The following MPP3 variants were observed in gnomAD, a reference collection of about 807,000 sequenced individuals.
The protein encoded by MPP3 is MAGUK p55 subfamily member 3.
Under a neutral mutation model 80.7 loss-of-function variants are expected in MPP3, and 48 were observed. That is an observed-to-expected ratio of 0.59 (90% CI 0.47 to 0.76). The LOEUF (loss-of-function observed/expected upper bound fraction) is 0.76. Among genes scored for constraint, MPP3 ranks in the 30% least tolerant of loss-of-function variants. The probability of loss-of-function intolerance (pLI) is 0.00; values close to 1 mark genes in which losing one functional copy is unlikely to be tolerated. For synonymous variants in MPP3, 311 were observed against 297.6 expected, an observed-to-expected ratio of 1.04 and a Z score of -0.46; for missense variants, 620 against 763.0, an observed-to-expected ratio of 0.81 and a Z score of 2.21.
At chr17:43,809,402 C>G (rs979851842) in intron 18 of MPP3, among the ~76,000 whole-genome samples, 1 of 152,216 alleles carries the variant, frequency 6.6e-6, no homozygotes, top group Non-Finnish European at 1.5e-5. Flanking sequence ...CTCCTCTCCA[C>G]CTTCCATTTC....
At chr17:43,810,546 C>T (rs960224593) in intron 18 of MPP3, among the ~76,000 whole-genome samples, 6 of 152,150 alleles carry the variant, frequency 3.9e-5, no homozygotes, top group Non-Finnish European at 7.3e-5. Flanking sequence ...ATCTGTTCCA[C>T]GCAGGAGTTA....
Position 43,801,799 on chromosome 17 carries a change from C to A in MPP3, c.1660G>T (p.Val554Leu). 1 of 1,614,172 alleles carries A rather than the reference C, an allele frequency of 6.2e-7. No homozygotes were observed. The highest frequency in any genetic ancestry group is 8.5e-7 in the Non-Finnish European group (1 of 1,180,034). Reference sequence around the variant, plus strand: ...TAGGCACCCTGGAGATCCTCCTTCACCAGCACGGCGTCTACCAGGTGCCCG... The same window carrying A: ...TAGGCACCCTGGAGATCCTCCTTCAACAGCACGGCGTCTACCAGGTGCCCG... ...HYGHLVDAVL[V>L]KEDLQGAYSQ... is the part of the protein sequence containing the mutation. Residue 554 changes from valine to leucine, a missense_variant, in exon 20 of 20, where the codon GTG becomes TTG. Transcript: ENST00000398389.
At position 43,818,072 on chromosome 17, in the gene MPP3, C is replaced by T; in HGVS notation, c.920G>A (p.Ser307Asn). Residue 307 changes from serine to asparagine, a missense_variant, in exon 12 of 20, where the codon AGC becomes AAC. By Grantham distance (46) the Ser-to-Asn change is conservative (BLOSUM62 1). Coordinates refer to ENST00000398389, the MANE Select transcript of MPP3 (RefSeq NM_001932.6). The part of the protein sequence containing the change: ...SYRRAAGTLP[S>N]PQSLRKPPYD... ...GGGGGGCTTCCTGAGGCTCTGGGGG[C>T]TCGGCAGGGTGCCCGCGGCTCTCCG... The T allele has an allele frequency of 2.5e-6, 4 of 1,577,638 alleles. No individual in the cohort carries two copies. Among genetic ancestry groups the T allele is most frequent in the Non-Finnish European group, 3.4e-6 (4 of 1,161,116 alleles).
At chr17:43,810,465 T>G (rs1449144359) in intron 18 of MPP3, among the ~76,000 whole-genome samples, 1 of 151,896 alleles carries the variant, frequency 6.6e-6, no homozygotes, top group Non-Finnish European at 1.5e-5. Flanking sequence ...CAGCCCCAGT[T>G]TCACCTGGGT....
intron 7 of MPP3, 90 bp from the exon 8 acceptor site, chr17:43,827,922 C>T: frequency 2.5e-6 from 3 of 1,221,670 alleles, no homozygotes; most frequent in Non-Finnish European, 1.2e-6. Context: ...CTCCCCAGTC[C>T]CTCCCTCTGA....
At chr17:43,825,995 C>G (rs557911951) in intron 8 of MPP3, among the ~76,000 whole-genome samples, 154 bp from the exon 9 acceptor site, 17 of 152,344 alleles carry the variant, frequency 1.1e-4, no homozygotes, top group South Asian at 4.1e-4. Flanking sequence ...GAACTAAGCC[C>G]TGCTAAGTGC....
intron 10 of MPP3, 70 bp from the exon 11 acceptor site, chr17:43,821,128 A>C: frequency 4.7e-6 from 7 of 1,478,290 alleles, no homozygotes; most frequent in Non-Finnish European, 6.5e-6. Context: ...GTCACATCAA[A>C]GGCCACATGA....
chr17:43,831,587 C>T lies in MPP3; in HGVS notation c.116G>A (p.Ser39Asn), dbSNP rs569679571. The T allele has an allele frequency of 3.1e-6, 5 of 1,613,412 alleles. No homozygotes were observed. The Admixed American group carries it at 8.3e-5, about 27-fold the overall frequency. ...EEMGFLRDVF[S>N]EKSLSYLMKI... ...CATTAAGTAACTGAGGCTTTTTTCA[C>T]TGAAAACATCCCTCAGGAAGCCCAT... Residue 39 changes from serine (S) to asparagine (N), a missense_variant, in exon 4 of 20, where the codon AGT becomes AAT. By Grantham distance (46) the Ser-to-Asn change is conservative. Transcript: ENST00000398389.
At chr17:43,824,642 C>G (rs1167151569) in intron 9 of MPP3, among the ~76,000 whole-genome samples, 1 of 152,166 alleles carries the variant, frequency 6.6e-6, no homozygotes, top group East Asian at 1.9e-4. Flanking sequence ...CTCCACTACC[C>G]AGAAAGCCCA....
intron 8 of MPP3, among the ~76,000 whole-genome samples, chr17:43,826,122 A>G (rs1023962636): frequency 1.3e-5 from 2 of 152,272 alleles, no homozygotes; most frequent in Non-Finnish European, 2.9e-5. Flanking sequence ...TTGCTGAGAA[A>G]TAATGAAGCC....
intron 19 of MPP3, among the ~76,000 whole-genome samples, chr17:43,803,029 C>T (rs1271348864): frequency 6.6e-6 from 1 of 152,116 alleles, no homozygotes; most frequent in Non-Finnish European, 1.5e-5. Flanking sequence ...CTTTTCTCCT[C>T]CAGGAGGGAA....
intron 19 of MPP3, among the ~76,000 whole-genome samples, chr17:43,807,661 A>G (rs1438221730): frequency 6.6e-6 from 1 of 152,100 alleles, no homozygotes; most frequent in Non-Finnish European, 1.5e-5. Context: ...TGCCATTCTA[A>G]ATAATTTACT....
intron 14 of MPP3, 122 bp downstream of exon 14, chr17:43,815,916 C>T: frequency 1.1e-6 from 1 of 907,916 alleles, no homozygotes; most frequent in South Asian, 1.8e-5. Context: ...ATGGGGGTCC[C>T]ATAGGCTCCA....
chr17:43,830,406 C>A (rs1310458909), intron 5 of MPP3, among the ~76,000 whole-genome samples: 1 of 152,208 alleles, frequency 6.6e-6, no homozygotes, highest in Non-Finnish European at 1.5e-5. Context: ...TGCCATTTTA[C>A]AGATGAGAAT....
At chr17:43,819,884 G>C (rs1332294000) in intron 11 of MPP3, among the ~76,000 whole-genome samples, 1 of 151,552 alleles carries the variant, frequency 6.6e-6, no homozygotes. Context: ...TTTAGATAAG[G>C]GTGAGACGTG....
intron 14 of MPP3, among the ~76,000 whole-genome samples, chr17:43,815,143 G>A (rs974975265): frequency 2.6e-5 from 4 of 152,106 alleles, no homozygotes; most frequent in Admixed American, 6.5e-5. Context: ...GACCAGCTGG[G>A]CAACATGGTG....
rs761503120 is a variant in MPP3, at chr17:43,831,892, C to A, written c.15G>T (p.Ser5=). The change falls in exon 3 of 20, where the codon TCG becomes TCT. Residue 5 remains serine, a synonymous_variant. Coordinates refer to ENST00000398389, the MANE Select transcript of MPP3 (RefSeq NM_001932.6). MPVL[S]EDSGLHETLA... is the part of the protein sequence containing the mutation. ...GGGGGAGGTACTTACCAGAGTCCTC[C>A]GATAGCACTGGCATGCTGGCGTTGT... The A allele has an allele frequency of 1.2e-6, 2 of 1,611,378 alleles. No individual in the cohort carries two copies. Among genetic ancestry groups the A allele is most frequent in the East Asian group, 4.5e-5 (2 of 44,842 alleles).
chr17:43,812,331 A>AGTC (rs1400076779), intron 16 of MPP3, among the ~76,000 whole-genome samples: 7 of 152,200 alleles, frequency 4.6e-5, no homozygotes, highest in Non-Finnish European at 7.3e-5. Context: ...GTGGCATCTT[A>AGTC]GTCCAACCTC....
rs1383126708 is a variant in MPP3 at position 43,801,684 on chromosome 17, G to GT, written c.*16_*17insA. On this transcript the variant is annotated 3_prime_UTR_variant, in exon 20 of 20. Transcript: ENST00000398389. ...GATCTTCAAGGTCCCGTCCAGCTTG[G>GT]ATGTTCTGGGATAAAGTTACCTGAC... 6.2e-7 allele frequency: 1 copy of GT among 1,613,308 alleles called. No individual in the cohort carries two copies. Among genetic ancestry groups the GT allele is most frequent in the Non-Finnish European group, 8.5e-7 (1 of 1,179,414 alleles).
Sources: allele counts gnomAD v4.1 joint callset (sites outside exome capture counted in the v4.1 genomes callset), GRCh38; gene constraint gnomAD v4.1.1; transcripts MANE v1.5; gene names NCBI Gene and HGNC (gene_info 2026-07-23, HGNC 2026-07-21).